Variants in WDPCP observed in about 807,000 individuals in gnomAD.
WDPCP encodes WD repeat-containing and planar cell polarity effector protein fritz homolog.
Under a neutral mutation model 93.1 loss-of-function variants are expected in WDPCP, and 71 were observed. The observed-to-expected ratio is 0.76, with a 90% confidence interval of 0.63 to 0.93. WDPCP has a LOEUF of 0.93. WDPCP is among the 40% of genes least tolerant of loss of function. WDPCP has a pLI of 0.00. For missense variants in WDPCP, 844 were observed against 887.4 expected, an observed-to-expected ratio of 0.95 and a Z score of 0.62; for synonymous variants, 315 against 315.0, an observed-to-expected ratio of 1.00 and a Z score of 0.00.
At chr2:63,307,993 C>T (rs1249353724) in intron 13 of WDPCP, among the ~76,000 whole-genome samples, 1 of 150,428 alleles carries the variant, frequency 6.6e-6, no homozygotes. Context: ...AAGGGCTAAT[C>T]TACCAAGAAC....
intron 2 of WDPCP, chr2:63,717,571 G>C: frequency 1.9e-6 from 1 of 519,200 alleles, no homozygotes; most frequent in Admixed American, 2.0e-5. Flanking sequence ...AAGGAAGACT[G>C]ATTCATGGTA....
intron 10 of WDPCP, among the ~76,000 whole-genome samples, chr2:63,384,274 GA>G (rs896168573): frequency 9.2e-5 from 14 of 151,942 alleles, no homozygotes; most frequent in African/African-American, 2.9e-4. Context: ...TCTCAGCTGA[GA>G]AAAAAAGAGA....
chr2:63,788,500 T>G (rs1475620251), intron 2 of WDPCP, among the ~76,000 whole-genome samples: 1 of 152,232 alleles, frequency 6.6e-6, no homozygotes, highest in Non-Finnish European at 1.5e-5. Flanking sequence ...AGCACATCTT[T>G]AGGACTTCTC....
At chr2:63,437,913 C>G in intron 7 of WDPCP, 1 of 1,584,030 alleles carries the variant, frequency 6.3e-7, no homozygotes, top group Non-Finnish European at 8.6e-7. Context: ...GAGTTTAATC[C>G]TATGTTTACA....
At chr2:63,591,055 T>C (rs921317148), upstream of WDPCP, 10 of 152,336 alleles carry the variant, frequency 6.6e-5, 1 homozygote, top group Admixed American at 3.3e-4. Context: ...TGTGGCTCTG[T>C]CTGTGGAATA....
chr2:63,776,655 C>CAA lies in WDPCP; in HGVS notation n.308+36965_308+36966dup, dbSNP rs778768889. On this transcript the variant is annotated intron_variant and non_coding_transcript_variant, in intron 2 of 4. Coordinates refer to the WDPCP transcript ENST00000467687. ...TGAGCAACAGAGTGAGGCCCTGTCTCAAAAAAAAAAAAAAAAAAAAAAAGA... is the reference window on the plus strand; with the variant it reads ...TGAGCAACAGAGTGAGGCCCTGTCTCAAAAAAAAAAAAAAAAAAAAAAAAAGA... 5.3e-3 allele frequency among the ~76,000 whole-genome samples: 278 copies of CAA among 52,652 alleles called. 1 individual carries two copies. Among genetic ancestry groups the CAA allele is most frequent in the South Asian group, 0.013 (14 of 1,084 alleles). The allele number at this position is 52,652 out of a possible 152,430, so 34.5% of individuals were successfully genotyped here. A position where few individuals can be genotyped will look rare whatever the true frequency, so the allele number is the denominator to read the frequency against.
intron 10 of WDPCP, among the ~76,000 whole-genome samples, chr2:63,383,231 C>T (rs902022990): frequency 2.0e-5 from 3 of 151,650 alleles, no homozygotes; most frequent in African/African-American, 2.4e-5. Flanking sequence ...TTATGTAATC[C>T]AGAAAACAAT....
intron 3 of WDPCP, chr2:63,604,915 A>T (rs781095631): frequency 1.4e-5 from 22 of 1,596,562 alleles, no homozygotes; most frequent in Admixed American, 6.8e-5. Context: ...AGCGTAAAGA[A>T]CTCTTGAGAG....
chr2:63,780,075 T>C (rs1670364601), intron 2 of WDPCP, among the ~76,000 whole-genome samples: 1 of 152,198 alleles, frequency 6.6e-6, no homozygotes, highest in Non-Finnish European at 1.5e-5. Context: ...TGCCTACCTA[T>C]AACCCCCTCA....
chr2:63,268,671 C>G (rs114936283), intron 13 of WDPCP, among the ~76,000 whole-genome samples: 2,636 of 151,830 alleles, frequency 0.017, 79 homozygotes, highest in African/African-American at 0.061. Context: ...TTTGTAGAGA[C>G]AAGTTTGCCA....
intron 14 of WDPCP, chr2:63,228,877 G>C (rs1678562159): frequency 6.6e-6 from 1 of 152,148 alleles, no homozygotes; most frequent in Non-Finnish European, 1.5e-5. Context: ...ATTGTGAATA[G>C]TGCTGCAATA....
chr2:63,183,880 CTT>C (rs772498374), intron 14 of WDPCP, among the ~76,000 whole-genome samples: 10 of 151,950 alleles, frequency 6.6e-5, no homozygotes, highest in Non-Finnish European at 1.2e-4. Flanking sequence ...TAATGACTGA[CTT>C]TGTCTTTTTT....
At chr2:63,323,031 A>C (rs1687243962) in intron 12 of WDPCP, among the ~76,000 whole-genome samples, 1 of 152,206 alleles carries the variant, frequency 6.6e-6, no homozygotes, top group South Asian at 2.1e-4. Context: ...GCCTGGAACC[A>C]GCTTCCGCTT....
chr2:63,634,792 T>C (rs987554378), intron 3 of WDPCP, among the ~76,000 whole-genome samples: 3 of 152,002 alleles, frequency 2.0e-5, no homozygotes, highest in Non-Finnish European at 2.9e-5. Context: ...TTATGGAATG[T>C]AACAAAATAA....
At chr2:63,509,645 G>GT (rs1368182852) in intron 1 of WDPCP, among the ~76,000 whole-genome samples, 3 of 151,970 alleles carry the variant, frequency 2.0e-5, no homozygotes, top group East Asian at 3.9e-4. Context: ...CCAGGAGCTG[G>GT]TTTTTTTGAA....
intron 12 of WDPCP, among the ~76,000 whole-genome samples, chr2:63,322,772 C>A (rs561460065): frequency 6.6e-6 from 1 of 152,240 alleles, no homozygotes; most frequent in South Asian, 2.1e-4. Context: ...TTTGGCGACC[C>A]AGATGGGACC....
At chr2:63,449,039 G>C (rs977982734) in intron 6 of WDPCP, among the ~76,000 whole-genome samples, 3 of 152,110 alleles carry the variant, frequency 2.0e-5, no homozygotes, top group Non-Finnish European at 4.4e-5. Context: ...TGGTATGTGA[G>C]ATGATGGATA....
intron 2 of WDPCP, among the ~76,000 whole-genome samples, chr2:63,664,991 A>G (rs1243396707): frequency 6.6e-6 from 1 of 152,200 alleles, no homozygotes; most frequent in African/African-American, 2.4e-5. Flanking sequence ...ATTCTAGCAA[A>G]CATACATTTA....
chr2:63,326,327 C>T (rs549241273), intron 12 of WDPCP, among the ~76,000 whole-genome samples: 2 of 152,256 alleles, frequency 1.3e-5, no homozygotes, highest in South Asian at 4.2e-4. Context: ...CTAATCCTGA[C>T]CTTAACCTAT....
Sources: gnomAD v4.1 joint callset for allele counts (sites outside exome capture counted in the v4.1 genomes callset) on GRCh38, gnomAD v4.1.1 for gene constraint, MANE v1.5 for transcripts, NCBI Gene and HGNC (gene_info 2026-07-23, HGNC 2026-07-21) for gene names.